The following NRXN1 variants were observed in gnomAD, a reference collection of about 807,000 sequenced individuals.
NRXN1 encodes neurexin-1.
In NRXN1, 39 loss-of-function variants were observed where a neutral mutation model predicts 150.9. That is an observed-to-expected ratio of 0.26 (90% confidence interval 0.20 to 0.34). NRXN1 has a LOEUF of 0.34. NRXN1 is among the 10% of genes least tolerant of loss of function. The pLI, the probability that NRXN1 is intolerant of heterozygous loss-of-function variation, is 1.00. For synonymous variants in NRXN1, 924 were observed against 757.0 expected, an observed-to-expected ratio of 1.22 and a Z score of -3.62; for missense variants, 1,815 against 1,949.9, an observed-to-expected ratio of 0.93 and a Z score of 1.30.
At chr2:50,534,415 T>C (rs1013613547) in intron 10 of NRXN1, among the ~76,000 whole-genome samples, 7 of 152,062 alleles carry the variant, frequency 4.6e-5, no homozygotes, top group Admixed American at 2.6e-4. Context: ...TATAATATCA[T>C]ATTTTTTTCC....
At chr2:50,991,724 T>C (rs1433866247) in intron 2 of NRXN1, among the ~76,000 whole-genome samples, 1 of 151,960 alleles carries the variant, frequency 6.6e-6, no homozygotes. Context: ...AAACAGATTA[T>C]CTAATATCTT....
chr2:49,988,566 C>T (rs1681355724), intron 21 of NRXN1, among the ~76,000 whole-genome samples: 1 of 148,134 alleles, frequency 6.8e-6, no homozygotes, highest in African/African-American at 2.5e-5. Flanking sequence ...ACAGAGTTCT[C>T]TTAGACATTT....
intron 9 of NRXN1, among the ~76,000 whole-genome samples, chr2:50,543,265 A>G (rs1252518748): frequency 1.3e-5 from 2 of 152,118 alleles, no homozygotes; most frequent in Non-Finnish European, 2.9e-5. Flanking sequence ...CTGGTAAATT[A>G]ACAAAATATT....
At chr2:49,946,406 T>G (rs552251059) in intron 21 of NRXN1, among the ~76,000 whole-genome samples, 1 of 152,300 alleles carries the variant, frequency 6.6e-6, no homozygotes, top group South Asian at 2.1e-4. Flanking sequence ...TTTGTCAATT[T>G]TGGCTTTTGT....
At chr2:50,656,033 C>T (rs1302255892) in intron 5 of NRXN1, among the ~76,000 whole-genome samples, 1 of 151,962 alleles carries the variant, frequency 6.6e-6, no homozygotes, top group African/African-American at 2.4e-5. Context: ...ACAAATCTGT[C>T]AGTTGTACCA....
At chr2:50,569,899 G>A (rs951523094) in intron 8 of NRXN1, among the ~76,000 whole-genome samples, 1 of 152,080 alleles carries the variant, frequency 6.6e-6, no homozygotes, top group Non-Finnish European at 1.5e-5. Flanking sequence ...ATAATTATAT[G>A]ATGAAACCAG....
chr2:50,925,629 G>C (rs1350645276), intron 3 of NRXN1, among the ~76,000 whole-genome samples: 1 of 151,814 alleles, frequency 6.6e-6, no homozygotes, highest in Non-Finnish European at 1.5e-5. Context: ...GAAATATTTT[G>C]TCTTTTAAAG....
intron 17 of NRXN1, among the ~76,000 whole-genome samples, chr2:50,253,403 T>G (rs1407177010): frequency 1.3e-5 from 2 of 152,314 alleles, no homozygotes; most frequent in East Asian, 3.9e-4. Context: ...TACCCCTTAT[T>G]TCTTTCTCTT....
At chr2:50,028,067 A>T (rs913514479) in intron 21 of NRXN1, among the ~76,000 whole-genome samples, 27 of 144,028 alleles carry the variant, frequency 1.9e-4, no homozygotes, top group African/African-American at 2.8e-4. Context: ...AGAAAAAATT[A>T]AAAAAAAAAA....
chr2:50,249,997 T>C (rs928721913), intron 17 of NRXN1, among the ~76,000 whole-genome samples: 1 of 152,156 alleles, frequency 6.6e-6, no homozygotes, highest in Non-Finnish European at 1.5e-5. Flanking sequence ...CCGCATCAAG[T>C]TAAAAATAAA....
chr2:50,684,476 T>C (rs1690932491), intron 5 of NRXN1, among the ~76,000 whole-genome samples: 1 of 152,160 alleles, frequency 6.6e-6, no homozygotes, highest in South Asian at 2.1e-4. Context: ...CACTGCAGCC[T>C]GGGTGACAGA....
At chr2:50,036,085 G>T (rs1171788554) in intron 21 of NRXN1, among the ~76,000 whole-genome samples, 7 of 152,118 alleles carry the variant, frequency 4.6e-5, no homozygotes, top group Admixed American at 2.6e-4. Flanking sequence ...ATATGGCTTG[G>T]TTGTGTCCCT....
intron 5 of NRXN1, among the ~76,000 whole-genome samples, chr2:50,690,819 C>G (rs1358504368): frequency 6.6e-6 from 1 of 152,132 alleles, no homozygotes; most frequent in Non-Finnish European, 1.5e-5. Flanking sequence ...TTTCTCTTCT[C>G]CAAACACACA....
intron 8 of NRXN1, among the ~76,000 whole-genome samples, chr2:50,591,626 T>G (rs1399921166): frequency 6.6e-6 from 1 of 152,216 alleles, no homozygotes; most frequent in Admixed American, 6.5e-5. Flanking sequence ...ATTCCAGTTC[T>G]CTTCTCTGCT....
intron 5 of NRXN1, among the ~76,000 whole-genome samples, chr2:50,660,234 G>A (rs1347624670): frequency 6.6e-6 from 1 of 152,026 alleles, no homozygotes; most frequent in Non-Finnish European, 1.5e-5. Context: ...TGAGGAAATA[G>A]ATGCATTGAG....
intron 5 of NRXN1, among the ~76,000 whole-genome samples, chr2:50,684,585 C>G (rs986236045): frequency 7.9e-5 from 12 of 152,070 alleles, no homozygotes; most frequent in Non-Finnish European, 1.5e-4. Flanking sequence ...GTGGTGGTAT[C>G]TGTCTTACTG....
intron 2 of NRXN1, among the ~76,000 whole-genome samples, chr2:50,956,751 T>A (rs1692347032): frequency 6.6e-6 from 1 of 151,676 alleles, no homozygotes; most frequent in Non-Finnish European, 1.5e-5. Context: ...AAATTTAATT[T>A]AAAAAATAAA....
chr2:50,593,936 A>G (rs934503746), intron 8 of NRXN1, among the ~76,000 whole-genome samples: 1 of 152,242 alleles, frequency 6.6e-6, no homozygotes, highest in African/African-American at 2.4e-5. Flanking sequence ...AAAAATTGTA[A>G]AAAAGAAATA....
At chr2:51,002,487 A>G (rs962045156) in intron 2 of NRXN1, among the ~76,000 whole-genome samples, 2 of 152,002 alleles carry the variant, frequency 1.3e-5, no homozygotes, top group African/African-American at 2.4e-5. Flanking sequence ...AACGATTCAT[A>G]TAATAATGAA....
Sources: allele counts gnomAD v4.1 joint callset (sites outside exome capture counted in the v4.1 genomes callset), GRCh38; gene constraint gnomAD v4.1.1; transcripts MANE v1.5; gene names NCBI Gene and HGNC (gene_info 2026-07-23, HGNC 2026-07-21).